Variants in TLN2 observed in about 807,000 individuals in gnomAD.
TLN2 encodes the protein talin-2.
In TLN2, 118 loss-of-function variants were observed where a neutral mutation model predicts 294.7. That is an observed-to-expected ratio of 0.40 (90% CI 0.34 to 0.47). The LOEUF (loss-of-function observed/expected upper bound fraction) is 0.47, where lower values mean the gene tolerates loss of function less well. Ranked by LOEUF, TLN2 falls within the 20% of genes least tolerant of loss-of-function variation. The probability of loss-of-function intolerance (pLI) is 0.84; values close to 1 mark genes in which losing one functional copy is unlikely to be tolerated. For synonymous variants in TLN2, 1,431 were observed against 1,304.5 expected, an observed-to-expected ratio of 1.10 and a Z score of -2.09; for missense variants, 3,083 against 3,282.2, an observed-to-expected ratio of 0.94 and a Z score of 1.48.
Position 62,725,200 on chromosome 15 carries a change from T to C in TLN2, c.3255+96T>C, listed in dbSNP as rs2060370834. On this transcript the variant is annotated intron_variant, in intron 27 of 58. Coordinates refer to ENST00000636159, the MANE Select transcript of TLN2 (RefSeq NM_015059.3). The stretch of plus-strand genomic sequence containing the variant: ...GGGTGTTTGCTAAAGTTGCGGCATG[T>C]TGAGAAGCTTCTAATCCTGTGGTCT... 8 of 1,479,576 alleles carry C rather than the reference T, an allele frequency of 5.4e-6. No individual in the cohort carries two copies. In the Admixed American group the frequency reaches 6.4e-5, roughly 12 times the overall value. 91.7% of individuals were successfully genotyped at this position (1,479,576 alleles called of 1,614,324 possible).
At chr15:62,701,496 C>G (rs2058718610) in intron 17 of TLN2, among the ~76,000 whole-genome samples, 1 of 152,154 alleles carries the variant, frequency 6.6e-6, no homozygotes, top group African/African-American at 2.4e-5. Context: ...ACTGCAAAGT[C>G]TACTGAGGCT....
intron 52 of TLN2, among the ~76,000 whole-genome samples, chr15:62,811,970 C>G (rs1241923359): frequency 6.6e-6 from 1 of 151,588 alleles, no homozygotes; most frequent in East Asian, 1.9e-4. Context: ...CAAGATCACA[C>G]CACTGCACTC....
chr15:62,700,399 C>A lies in TLN2; in HGVS notation c.1588-707C>A, dbSNP rs193023026. Among the ~76,000 whole-genome samples, 11 of 152,198 alleles carry A rather than the reference C, an allele frequency of 7.2e-5. No homozygotes were observed. The East Asian group carries it at 2.1e-3, about 29-fold the overall frequency. On this transcript the variant is annotated intron_variant, in intron 16 of 58. Transcript: ENST00000636159. ...GAAATGTCAGAAAATAGAGAACTTG[C>A]TATTTATAGGTTCAAATAAACGTAA...
chr15:62,728,621 A>G (rs929219923), intron 28 of TLN2, among the ~76,000 whole-genome samples: 2 of 152,188 alleles, frequency 1.3e-5, no homozygotes, highest in Non-Finnish European at 2.9e-5. Flanking sequence ...ATAGTATCAC[A>G]TTATGATTTT....
intron 11 of TLN2, among the ~76,000 whole-genome samples, chr15:62,680,536 A>C (rs562786446): frequency 2.6e-4 from 39 of 152,230 alleles, no homozygotes; most frequent in Non-Finnish European, 4.6e-4. Flanking sequence ...AAAAGAGATC[A>C]CATGCAGAAC....
chr15:62,817,826 T>G (rs1232035337), intron 52 of TLN2, among the ~76,000 whole-genome samples: 1 of 146,756 alleles, frequency 6.8e-6, no homozygotes, highest in Non-Finnish European at 1.5e-5. Flanking sequence ...TTTTTTTTTT[T>G]TTTTTTTTTT....
chr15:62,838,937 G>A lies in TLN2; in HGVS notation c.7456G>A (p.Asp2486Asn), dbSNP rs1392691493. ...QKAAFGKADDDDVVVKTKFVG... is the reference protein window; with the variant it reads ...QKAAFGKADDNDVVVKTKFVG... ...GGCAGCTTTTGGCAAAGCTGATGAC[G>A]ACGATGTTGTAGTGAAAACCAAGTT... Residue 2486 changes from aspartate (D) to asparagine (N), a missense_variant, in exon 58 of 59, where the codon GAC becomes AAC. By Grantham distance (23) the Asp-to-Asn change is conservative. Coordinates refer to ENST00000636159, the MANE Select transcript of TLN2 (RefSeq NM_015059.3). 16 of 1,614,118 alleles carry A rather than the reference G, an allele frequency of 9.9e-6. No homozygotes were observed. The highest frequency in any genetic ancestry group is 1.6e-4 in the Middle Eastern group (1 of 6,062).
chr15:62,451,368 T>C (rs2036136077), intron 1 of TLN2, among the ~76,000 whole-genome samples: 1 of 151,926 alleles, frequency 6.6e-6, no homozygotes, highest in African/African-American at 2.4e-5. Flanking sequence ...TTAAGAGGGG[T>C]TGGCTGGGCT....
intron 1 of TLN2, among the ~76,000 whole-genome samples, chr15:62,571,101 G>A (rs1339286855): frequency 6.6e-6 from 1 of 152,222 alleles, no homozygotes; most frequent in Non-Finnish European, 1.5e-5. Flanking sequence ...TTTAGGGCAT[G>A]TCTTAGCTAT....
At chr15:62,572,985 C>T (rs28452423) in intron 1 of TLN2, among the ~76,000 whole-genome samples, 7,467 of 151,886 alleles carry the variant, frequency 0.049, 625 homozygotes, top group African/African-American at 0.17. Flanking sequence ...ACGGGCCTTC[C>T]CAGTTCCCAC....
chr15:62,552,463 C>G (rs1375108557), intron 1 of TLN2, among the ~76,000 whole-genome samples: 1 of 152,146 alleles, frequency 6.6e-6, no homozygotes, highest in Non-Finnish European at 1.5e-5. Flanking sequence ...TAGCTGAGAT[C>G]ACACAAGAAA....
chr15:62,584,223 A>G (rs534487711), intron 1 of TLN2, among the ~76,000 whole-genome samples: 1 of 152,394 alleles, frequency 6.6e-6, no homozygotes, highest in South Asian at 2.1e-4. Flanking sequence ...CTACTTACTC[A>G]TAATCAACAT....
At chr15:62,477,703 G>A (rs1268056951) in intron 1 of TLN2, among the ~76,000 whole-genome samples, 1 of 151,998 alleles carries the variant, frequency 6.6e-6, no homozygotes. Context: ...TGTATCTGCT[G>A]GGCCCATGGG....
chr15:62,670,067 T>C (rs987701018), intron 9 of TLN2, among the ~76,000 whole-genome samples: 1 of 152,202 alleles, frequency 6.6e-6, no homozygotes, highest in Non-Finnish European at 1.5e-5. Context: ...TTGCCAGTGG[T>C]GGTCAGCATA....
intron 9 of TLN2, among the ~76,000 whole-genome samples, chr15:62,662,529 G>A (rs1446619719): frequency 6.6e-6 from 1 of 152,174 alleles, no homozygotes; most frequent in African/African-American, 2.4e-5. Context: ...ACATATGTGC[G>A]TGTGTAAGTG....
At chr15:62,660,319 T>A (rs774405046) in intron 9 of TLN2, among the ~76,000 whole-genome samples, 21 of 152,228 alleles carry the variant, frequency 1.4e-4, no homozygotes, top group Non-Finnish European at 2.8e-4. Flanking sequence ...TTTAGAATAA[T>A]GAAAATCATC....
chr15:62,832,155 C>T (rs2068928970), intron 54 of TLN2: 1 of 137,110 alleles, frequency 7.3e-6, no homozygotes, highest in African/African-American at 2.8e-5. Flanking sequence ...TGTAGAAGTG[C>T]CTAACAAAAT....
intron 54 of TLN2, 131 bp downstream of exon 54, chr15:62,820,741 G>C (rs1405105504): frequency 7.3e-6 from 9 of 1,226,642 alleles, no homozygotes; most frequent in South Asian, 4.6e-5. Flanking sequence ...CAGAAAACCG[G>C]ATCTACCTGC....
At position 62,649,829 on chromosome 15, in the gene TLN2, A is replaced by G. The variant is rs563684848; in HGVS notation, c.137-255A>G. Among the ~76,000 whole-genome samples, 3 of 152,342 alleles carry G rather than the reference A, an allele frequency of 2.0e-5. No individual in the cohort carries two copies. In the East Asian group the frequency reaches 5.8e-4, roughly 29 times the overall value. On this transcript the variant is annotated intron_variant, in intron 4 of 58. Transcript: ENST00000636159. ...TTGGACTGCTTCTAAATTTTCCTAC[A>G]TTTTAGACACAACTACAGCCCACTG...
Sources: allele counts gnomAD v4.1 joint callset (sites outside exome capture counted in the v4.1 genomes callset), GRCh38; gene constraint gnomAD v4.1.1; transcripts MANE v1.5; gene names NCBI Gene and HGNC (gene_info 2026-07-23, HGNC 2026-07-21).